Variants in PCDH11X observed in about 807,000 individuals in gnomAD.
The protein encoded by PCDH11X is protocadherin 11 X-linked, also known as protocadherin-11 X-linked.
A neutral mutation model predicts 53.3 loss-of-function variants in PCDH11X; 18 were observed. The observed-to-expected ratio is 0.34, with a 90% confidence interval of 0.23 to 0.50. The LOEUF is 0.50. Among genes scored for constraint, PCDH11X ranks in the 20% least tolerant of loss-of-function variants. The probability of loss-of-function intolerance (pLI) is 0.98; values close to 1 mark genes in which losing one functional copy is unlikely to be tolerated. For synonymous variants in PCDH11X, 279 were observed against 393.3 expected, an observed-to-expected ratio of 0.71 and a Z score of 3.44; for missense variants, 570 against 1,032.4, an observed-to-expected ratio of 0.55 and a Z score of 6.14.
chrX:91,819,273 A>G (rs923584610), intron 4 of PCDH11X, among the ~76,000 whole-genome samples: 10 of 107,875 alleles, frequency 9.3e-5, no homozygotes, highest in African/African-American at 6.8e-5. Context: ...TAAGTGAGAA[A>G]CAGAAAAAAA....
intron 8 of PCDH11X, among the ~76,000 whole-genome samples, chrX:92,295,296 A>G (rs1201780559): frequency 1.8e-5 from 2 of 110,288 alleles, no homozygotes; most frequent in South Asian, 3.9e-4. Flanking sequence ...GTGAACAAAA[A>G]CTAAATAAAC....
At chrX:92,418,546 G>A (rs1195867609) in intron 9 of PCDH11X, among the ~76,000 whole-genome samples, 2 of 108,232 alleles carry the variant, frequency 1.8e-5, no homozygotes, top group Non-Finnish European at 3.8e-5. Flanking sequence ...ACTAGATTTT[G>A]ATTTCATATT....
At chrX:91,907,403 A>ACCCC (rs1442736454) in intron 6 of PCDH11X, among the ~76,000 whole-genome samples, 121 of 71,738 alleles carry the variant, frequency 1.7e-3, no homozygotes, top group African/African-American at 6.1e-3. Context: ...ACACACACAC[A>ACCCC]CACACACACA....
rs182844398 is a variant in PCDH11X at position 91,849,293 on chromosome X, T to G, written c.540+13249T>G. On this transcript the variant is annotated intron_variant, in intron 5 of 10. Transcript: ENST00000682573. The stretch of plus-strand genomic sequence containing the variant: ...CTTACTTTTTAGTTTTTTTAAAGTT[T>G]TATTTTAGGTTTAGGAGTACATGTG... Among the ~76,000 whole-genome samples the G allele has an allele frequency of 2.7e-5, 3 of 110,800 alleles. No homozygotes were observed. In the Admixed American group the frequency reaches 2.9e-4, roughly 11 times the overall value.
intron 6 of PCDH11X, among the ~76,000 whole-genome samples, chrX:91,972,746 A>T (rs2061982426): frequency 1.8e-5 from 2 of 109,269 alleles, no homozygotes; most frequent in South Asian, 8.2e-4. Context: ...TTTGTCAAAG[A>T]TCAGATGGTT....
At chrX:92,409,329 A>G (rs2071594686) in intron 9 of PCDH11X, among the ~76,000 whole-genome samples, 1 of 112,339 alleles carries the variant, frequency 8.9e-6, no homozygotes, top group Non-Finnish European at 1.9e-5. Context: ...AGACATAATC[A>G]TACCACACAA....
intron 9 of PCDH11X, among the ~76,000 whole-genome samples, chrX:92,445,814 A>G (rs1266579316): frequency 9.0e-6 from 1 of 110,979 alleles, no homozygotes; most frequent in African/African-American, 3.3e-5. Context: ...CTGAAAAAAT[A>G]TATATGGGAT....
intron 4 of PCDH11X, among the ~76,000 whole-genome samples, chrX:91,825,237 A>G (rs945890423): frequency 1.3e-4 from 14 of 109,154 alleles, no homozygotes; most frequent in Non-Finnish European, 1.7e-4. Flanking sequence ...TGTTTACCTA[A>G]GGAAGCCTGG....
chrX:92,186,384 C>G (rs754161924), intron 6 of PCDH11X, among the ~76,000 whole-genome samples: 6 of 111,691 alleles, frequency 5.4e-5, no homozygotes, highest in African/African-American at 2.0e-4. Flanking sequence ...AATCCCAGCA[C>G]TTTGGGAGGC....
intron 8 of PCDH11X, among the ~76,000 whole-genome samples, chrX:92,317,580 T>A (rs1431666647): frequency 1.8e-5 from 2 of 111,536 alleles, no homozygotes; most frequent in Non-Finnish European, 3.8e-5. Context: ...TTGGAATGAT[T>A]GGGTACAAAT....
At chrX:91,950,104 TATTTCAA>T (rs1172089645) in intron 6 of PCDH11X, among the ~76,000 whole-genome samples, 5 of 110,750 alleles carry the variant, frequency 4.5e-5, no homozygotes, top group Non-Finnish European at 9.5e-5. Context: ...TTTCAAAATG[TATTTCAA>T]ATCATGCAAT....
intron 8 of PCDH11X, among the ~76,000 whole-genome samples, chrX:92,339,232 T>C (rs191448645): frequency 9.0e-6 from 1 of 111,690 alleles, no homozygotes; most frequent in African/African-American, 3.3e-5. Flanking sequence ...AAGAATGAAA[T>C]TAGACCGCCA....
chrX:92,073,602 G>A (rs1186724726), intron 6 of PCDH11X, among the ~76,000 whole-genome samples: 1 of 112,259 alleles, frequency 8.9e-6, no homozygotes, highest in Non-Finnish European at 1.9e-5. Context: ...ATTTATACAG[G>A]AAGCTGGAGG....
At chrX:91,810,162 T>C (rs1184898513) in intron 2 of PCDH11X, among the ~76,000 whole-genome samples, 3 of 111,132 alleles carry the variant, frequency 2.7e-5, no homozygotes, top group Non-Finnish European at 5.7e-5. Flanking sequence ...AAAATTTTAA[T>C]AGCTTATTCC....
intron 6 of PCDH11X, among the ~76,000 whole-genome samples, chrX:92,138,649 C>T (rs183925073): frequency 9.1e-6 from 1 of 110,291 alleles, no homozygotes. Flanking sequence ...TTCTTATATT[C>T]GTCTTGACTT....
intron 6 of PCDH11X, among the ~76,000 whole-genome samples, chrX:92,116,810 A>G (rs12556256): frequency 0.37 from 40,741 of 108,784 alleles, 7,570 homozygotes; most frequent in East Asian, 0.87. Context: ...CTGGTCTTGA[A>G]CTCCTGGGCT....
At chrX:91,867,233 A>T (rs1230789554) in intron 5 of PCDH11X, among the ~76,000 whole-genome samples, 1 of 112,008 alleles carries the variant, frequency 8.9e-6, no homozygotes, top group Non-Finnish European at 1.9e-5. Flanking sequence ...CACTAGTAGT[A>T]CAAAAATATC....
chrX:91,821,968 G>T (rs1936702548), intron 4 of PCDH11X, among the ~76,000 whole-genome samples: 1 of 101,250 alleles, frequency 9.9e-6, no homozygotes, highest in Non-Finnish European at 1.9e-5. Context: ...TTATATGCTG[G>T]ATTACATTTA....
intron 10 of PCDH11X, among the ~76,000 whole-genome samples, chrX:92,546,056 A>C: frequency 9.5e-6 from 1 of 105,114 alleles, no homozygotes; most frequent in Middle Eastern, 4.9e-3. Context: ...TTAATGTACT[A>C]TGTGGTGAGC....
Sources: gnomAD v4.1 joint callset for allele counts (sites outside exome capture counted in the v4.1 genomes callset) on GRCh38, gnomAD v4.1.1 for gene constraint, MANE v1.5 for transcripts, NCBI Gene and HGNC (gene_info 2026-07-23, HGNC 2026-07-21) for gene names.